The following LRRK2 variants were observed in gnomAD, a reference collection of about 807,000 sequenced individuals.
The protein encoded by LRRK2 is leucine-rich repeat serine/threonine-protein kinase 2.
LRRK2 carries 203 observed loss-of-function variants against 302.6 expected under a neutral mutation model. That is an observed-to-expected ratio of 0.67 (90% CI 0.60 to 0.75). The LOEUF (loss-of-function observed/expected upper bound fraction) is 0.75, where lower values mean the gene tolerates loss of function less well. Among genes scored for constraint, LRRK2 ranks in the 30% least tolerant of loss-of-function variants. The pLI, the probability that LRRK2 is intolerant of heterozygous loss-of-function variation, is 0.00. For missense variants in LRRK2, 2,830 were observed against 2,951.0 expected (o/e 0.96, Z 0.95); for synonymous variants, 1,066 against 1,031.9 (o/e 1.03, Z -0.63).
intron 11 of LRRK2, among the ~76,000 whole-genome samples, chr12:40,255,532 G>A (rs1456307181): frequency 2.0e-5 from 3 of 152,170 alleles, no homozygotes; most frequent in African/African-American, 7.2e-5. Context: ...CACACATTGG[G>A]TTACTGTCTA....
intron 29 of LRRK2, 88 bp from the exon 30 acceptor site, chr12:40,309,018 A>T: frequency 7.5e-7 from 1 of 1,340,654 alleles, no homozygotes; most frequent in Non-Finnish European, 1.1e-6. Context: ...AATAATAAAT[A>T]GTATTATTCT....
chr12:40,316,029 G>C (rs922155952), intron 33 of LRRK2, among the ~76,000 whole-genome samples: 10 of 152,088 alleles, frequency 6.6e-5, no homozygotes, highest in Non-Finnish European at 1.5e-4. Flanking sequence ...GTATCCTCTA[G>C]CTGTGACAAG....
rs949913727 is a variant in LRRK2, at chr12:40,311,448, A to C, written c.4536+799A>C. On this transcript the variant is annotated intron_variant, in intron 31 of 50. Coordinates refer to ENST00000298910, the MANE Select transcript of LRRK2 (RefSeq NM_198578.4). ...AAAATACCCTTGATAGTTCCATATG[A>C]CAAACATAATGATGAATTTCACTTA... Among the ~76,000 whole-genome samples the C allele has an allele frequency of 3.3e-5, 5 of 152,140 alleles. No individual in the cohort carries two copies. The South Asian group carries it at 1.0e-3, about 31-fold the overall frequency.
intron 40 of LRRK2, among the ~76,000 whole-genome samples, chr12:40,335,437 A>T (rs1023257438): frequency 6.6e-6 from 1 of 152,224 alleles, no homozygotes; most frequent in Non-Finnish European, 1.5e-5. Flanking sequence ...TTCTATAAAA[A>T]TGTATAAGTT....
intron 38 of LRRK2, among the ~76,000 whole-genome samples, chr12:40,325,467 C>CT (rs1428342350): frequency 2.6e-5 from 4 of 152,160 alleles, no homozygotes; most frequent in African/African-American, 9.7e-5. Flanking sequence ...GCTTGGATAA[C>CT]TAACTCTTTC....
intron 5 of LRRK2, 80 bp downstream of exon 5, chr12:40,238,183 TAAG>T (rs909170743): frequency 1.4e-5 from 20 of 1,403,808 alleles, no homozygotes; most frequent in African/African-American, 1.2e-4. Flanking sequence ...ACAGTTATAA[TAAG>T]AAGAAGGTTT....
intron 39 of LRRK2, among the ~76,000 whole-genome samples, chr12:40,331,637 T>C (rs896514680): frequency 6.6e-6 from 1 of 152,054 alleles, no homozygotes; most frequent in African/African-American, 2.4e-5. Context: ...AGTTTATGAA[T>C]TTGGGTTGGG....
intron 19 of LRRK2, among the ~76,000 whole-genome samples, chr12:40,285,704 C>A (rs1220575931): frequency 6.6e-6 from 1 of 151,192 alleles, no homozygotes; most frequent in Non-Finnish European, 1.5e-5. Flanking sequence ...AGGAACTATT[C>A]AAATAAATAA....
Position 40,314,046 on chromosome 12 carries a change from G to A in LRRK2, c.4611G>A (p.Glu1537=), listed in dbSNP as rs575429866. The change falls in exon 32 of 51, where the codon GAG becomes GAA. Residue 1537 remains glutamate (E), a synonymous_variant. Coordinates refer to ENST00000298910, the MANE Select transcript of LRRK2 (RefSeq NM_198578.4). ...YVELEKIILS[E]RKNVPIEFPV... ...AACTTGAAAAAATCATTTTATCGGAGCGTAAAAATGTGCCAATTGAATTTC... is the reference window on the plus strand; with the variant it reads ...AACTTGAAAAAATCATTTTATCGGAACGTAAAAATGTGCCAATTGAATTTC... The A allele has an allele frequency of 3.2e-5, 52 of 1,612,466 alleles. 1 individual carries two copies. In the East Asian group the frequency reaches 1.0e-3, roughly 31 times the overall value.
At chr12:40,314,291 T>C (rs1032657124) in intron 32 of LRRK2, 118 bp downstream of exon 32, 10 of 1,013,798 alleles carry the variant, frequency 9.9e-6, no homozygotes, top group African/African-American at 6.5e-5. Context: ...GGTTCTTTAA[T>C]AGGCCACTGA....
At chr12:40,235,826 AG>A in intron 4 of LRRK2, 112 bp downstream of exon 4, 1 of 632,050 alleles carries the variant, frequency 1.6e-6, no homozygotes, top group Non-Finnish European at 2.7e-6. Context: ...GATCAGGATT[AG>A]GGTAGCTTGA....
At chr12:40,247,161 A>G (rs905564444) in intron 7 of LRRK2, among the ~76,000 whole-genome samples, 1 of 152,004 alleles carries the variant, frequency 6.6e-6, no homozygotes, top group African/African-American at 2.4e-5. Flanking sequence ...TTGTATTTTC[A>G]CTTCTAGTAT....
At chr12:40,266,386 C>A (rs1229543502) in intron 14 of LRRK2, among the ~76,000 whole-genome samples, 1 of 152,178 alleles carries the variant, frequency 6.6e-6, no homozygotes, top group East Asian at 1.9e-4. Context: ...ATGCAGCCAA[C>A]AGGCACATGA....
intron 21 of LRRK2, among the ~76,000 whole-genome samples, chr12:40,294,117 CATCTATCTATCTATCATCT>C (rs1310713647): frequency 7.0e-6 from 1 of 142,200 alleles, no homozygotes; most frequent in Non-Finnish European, 1.5e-5. Flanking sequence ...ATTCATTGTT[CATCTATCTATCTATCATCT>C]ATCTATCTAT....
chr12:40,319,102 G>A (rs1204727051), intron 33 of LRRK2, among the ~76,000 whole-genome samples: 1 of 151,948 alleles, frequency 6.6e-6, no homozygotes, highest in Admixed American at 6.6e-5. Context: ...ATCTCCCAAA[G>A]AAAATTAAAT....
At chr12:40,309,074 A>T (rs527646749) in intron 29 of LRRK2, 32 bp from the exon 30 acceptor site, 2 of 1,611,026 alleles carry the variant, frequency 1.2e-6, no homozygotes, top group African/African-American at 1.3e-5. Flanking sequence ...CGTTTGAAAG[A>T]TTAAAAAAAT....
chr12:40,360,429 C>G (rs1946667387), intron 47 of LRRK2, among the ~76,000 whole-genome samples: 1 of 151,952 alleles, frequency 6.6e-6, no homozygotes, highest in Non-Finnish European at 1.5e-5. Flanking sequence ...ATCCACTTGA[C>G]CCTCCTAATT....
chr12:40,348,556 T>A, intron 43 of LRRK2, 47 bp downstream of exon 43: 1 of 1,087,562 alleles, frequency 9.2e-7, no homozygotes, highest in South Asian at 1.3e-5. Flanking sequence ...ATCATTTGCA[T>A]ATATGCATAT....
chr12:40,338,049 G>A (rs1211226727), intron 40 of LRRK2, among the ~76,000 whole-genome samples: 1 of 152,202 alleles, frequency 6.6e-6, no homozygotes, highest in African/African-American at 2.4e-5. Flanking sequence ...GCAAGACATT[G>A]ACTTAGGTGC....
Sources: gnomAD v4.1 joint callset for allele counts (sites outside exome capture counted in the v4.1 genomes callset) on GRCh38, gnomAD v4.1.1 for gene constraint, MANE v1.5 for transcripts, NCBI Gene and HGNC (gene_info 2026-07-23, HGNC 2026-07-21) for gene names.